MYO5B: variants seen among roughly 807,000 people sequenced by gnomAD.
MYO5B encodes the protein myosin VB.
Under a neutral mutation model 229.3 loss-of-function variants are expected in MYO5B, and 143 were observed. The observed-to-expected ratio is 0.62, with a 90% CI of 0.54 to 0.72. The LOEUF is 0.72. Among genes scored for constraint, MYO5B ranks in the 30% least tolerant of loss-of-function variants. The pLI, the probability that MYO5B is intolerant of heterozygous loss-of-function variation, is 0.00. For synonymous variants in MYO5B, 918 were observed against 885.2 expected (o/e 1.04, Z -0.66); for missense variants, 2,321 against 2,331.0 (o/e 1.00, Z 0.09).
At chr18:50,033,722 G>T (rs561255388) in intron 4 of MYO5B, among the ~76,000 whole-genome samples, 1 of 152,154 alleles carries the variant, frequency 6.6e-6, no homozygotes, top group African/African-American at 2.4e-5. Flanking sequence ...CTCATGCAGT[G>T]GACAGAATTC....
intron 17 of MYO5B, among the ~76,000 whole-genome samples, chr18:49,925,840 A>G (rs1323224821): frequency 6.6e-6 from 1 of 152,178 alleles, no homozygotes; most frequent in African/African-American, 2.4e-5. Context: ...AAGGCAGTCT[A>G]ATTTGTCAGA....
chr18:49,887,059 G>C (rs890614647), intron 22 of MYO5B, among the ~76,000 whole-genome samples: 4 of 152,132 alleles, frequency 2.6e-5, no homozygotes, highest in Non-Finnish European at 5.9e-5. Context: ...CATGAATGCT[G>C]TAGCACCATC....
At chr18:49,866,399 A>G (rs532556375) in intron 27 of MYO5B, among the ~76,000 whole-genome samples, 3 of 152,266 alleles carry the variant, frequency 2.0e-5, no homozygotes, top group Admixed American at 6.5e-5. Context: ...TGCACAGTTC[A>G]GTGACATTAA....
chr18:49,902,643 A>G lies in MYO5B; in HGVS notation c.2762T>C (p.Val921Ala). 1 of 1,613,446 alleles carries G rather than the reference A, an allele frequency of 6.2e-7. No homozygotes were observed. The highest frequency in any genetic ancestry group is 8.5e-7 in the Non-Finnish European group (1 of 1,180,030). Residue 921 changes from valine (V) to alanine (A), a missense_variant, in exon 21 of 40, where the codon GTG becomes GCG. By Grantham distance (64) the Val-to-Ala change is moderately conservative. Coordinates refer to ENST00000285039, the MANE Select transcript of MYO5B (RefSeq NM_001080467.3). ...CTGGACCACCTTGTTCTCCATGCCCACGTTGAGACGTTTCAGATGCTCTGC... is the reference window on the plus strand; with the variant it reads ...CTGGACCACCTTGTTCTCCATGCCCGCGTTGAGACGTTTCAGATGCTCTGC... ...RSAEHLKRLNVGMENKVVQLQ... is the reference protein window; with the variant it reads ...RSAEHLKRLNAGMENKVVQLQ...
At chr18:49,919,425 T>C (rs1000220215) in intron 17 of MYO5B, among the ~76,000 whole-genome samples, 14 of 152,204 alleles carry the variant, frequency 9.2e-5, no homozygotes, top group Admixed American at 4.6e-4. Flanking sequence ...GTATGTCTTA[T>C]AAGGTTCTCA....
chr18:49,897,010 G>A (rs1169630382), intron 21 of MYO5B, among the ~76,000 whole-genome samples: 3 of 152,244 alleles, frequency 2.0e-5, no homozygotes, highest in Non-Finnish European at 4.4e-5. Flanking sequence ...GTAAACATCA[G>A]CTATCTTCCT....
At chr18:50,002,875 TC>T (rs2026063149) in intron 4 of MYO5B, among the ~76,000 whole-genome samples, 1 of 152,104 alleles carries the variant, frequency 6.6e-6, no homozygotes, top group Non-Finnish European at 1.5e-5. Flanking sequence ...TCCCATTGCT[TC>T]CTAGGGCAGA....
chr18:49,933,670 T>C (rs1355303287), intron 16 of MYO5B, among the ~76,000 whole-genome samples: 1 of 152,190 alleles, frequency 6.6e-6, no homozygotes, highest in Non-Finnish European at 1.5e-5. Context: ...CTCAACATCC[T>C]ATGATGCACA....
chr18:50,163,513 A>C (rs2032800634), intron 1 of MYO5B, among the ~76,000 whole-genome samples: 2 of 152,198 alleles, frequency 1.3e-5, no homozygotes, highest in Admixed American at 1.3e-4. Context: ...AACAGCATGA[A>C]TCTCCTGGGG....
At chr18:50,004,468 G>A (rs979231138) in intron 4 of MYO5B, among the ~76,000 whole-genome samples, 1 of 152,340 alleles carries the variant, frequency 6.6e-6, no homozygotes, top group Non-Finnish European at 1.5e-5. Context: ...ATGCTGATAT[G>A]TAGGCTAAAG....
intron 1 of MYO5B, among the ~76,000 whole-genome samples, chr18:50,140,661 G>A (rs952443373): frequency 6.6e-6 from 1 of 152,196 alleles, no homozygotes; most frequent in Non-Finnish European, 1.5e-5. Context: ...GCACTAGGAC[G>A]AAGATCTAAT....
At chr18:49,958,387 C>T (rs953585958) in intron 12 of MYO5B, among the ~76,000 whole-genome samples, 1 of 152,228 alleles carries the variant, frequency 6.6e-6, no homozygotes, top group Non-Finnish European at 1.5e-5. Flanking sequence ...TCCCACCTTC[C>T]TCCATTCTCT....
chr18:50,084,864 T>G (rs547254730), intron 1 of MYO5B, among the ~76,000 whole-genome samples: 24 of 152,290 alleles, frequency 1.6e-4, no homozygotes, highest in African/African-American at 4.8e-4. Flanking sequence ...TAGCCATATG[T>G]AGAAAGCTGA....
intron 17 of MYO5B, among the ~76,000 whole-genome samples, chr18:49,928,970 AG>A (rs1797207918): frequency 1.3e-5 from 2 of 152,150 alleles, no homozygotes; most frequent in South Asian, 2.1e-4. Context: ...CTTGGGGGAA[AG>A]GGGGGTGATG....
chr18:50,059,450 C>T (rs146214605), intron 1 of MYO5B, among the ~76,000 whole-genome samples: 5 of 152,124 alleles, frequency 3.3e-5, no homozygotes, highest in Non-Finnish European at 4.4e-5. Context: ...CAAGTTAATG[C>T]CGACTTTGGA....
At chr18:50,091,602 G>T (rs1449188548) in intron 1 of MYO5B, among the ~76,000 whole-genome samples, 5 of 152,066 alleles carry the variant, frequency 3.3e-5, no homozygotes, top group African/African-American at 1.2e-4. Flanking sequence ...CCCAAATCTG[G>T]CAACTGTCTG....
At chr18:49,925,677 C>T (rs1209506784) in intron 17 of MYO5B, among the ~76,000 whole-genome samples, 1 of 152,186 alleles carries the variant, frequency 6.6e-6, no homozygotes, top group Admixed American at 6.5e-5. Context: ...GAGCCAGAAG[C>T]AGGAGTGCAG....
chr18:50,038,725 C>T (rs561521791), intron 3 of MYO5B, among the ~76,000 whole-genome samples: 9 of 152,268 alleles, frequency 5.9e-5, no homozygotes, highest in South Asian at 2.1e-4. Context: ...AGTCAAGATG[C>T]ATTTGGATAA....
chr18:50,174,537 T>C (rs1456887065), intron 1 of MYO5B, among the ~76,000 whole-genome samples: 4 of 152,170 alleles, frequency 2.6e-5, no homozygotes, highest in South Asian at 2.1e-4. Flanking sequence ...CAGAGGGCTC[T>C]TGTGACAAGA....
Sources: gnomAD v4.1 joint callset for allele counts (sites outside exome capture counted in the v4.1 genomes callset) on GRCh38, gnomAD v4.1.1 for gene constraint, MANE v1.5 for transcripts, NCBI Gene and HGNC (gene_info 2026-07-23, HGNC 2026-07-21) for gene names.